FLNA: variants seen among roughly 807,000 people sequenced by gnomAD.
FLNA encodes filamin A, also known as filamin-A.
In FLNA, 7 loss-of-function variants were observed where a neutral mutation model predicts 157.6. The ratio of observed to expected loss-of-function variants is 0.04; its 90% CI spans 0.03 to 0.08. The LOEUF (loss-of-function observed/expected upper bound fraction) is 0.08, where lower values mean the gene tolerates loss of function less well. Ranked by LOEUF, FLNA falls within the 10% of genes least tolerant of loss-of-function variation. The pLI, the probability that FLNA is intolerant of heterozygous loss-of-function variation, is 1.00. For synonymous variants in FLNA, 1,103 were observed against 1,060.8 expected (o/e 1.04, Z -0.77); for missense variants, 1,750 against 2,398.4 (o/e 0.73, Z 5.65).
At position 154,359,618 on chromosome X, in the gene FLNA, G is replaced by T; in HGVS notation, c.4008C>A (p.Asp1336Glu). 1 of 1,211,020 alleles carries T rather than the reference G, an allele frequency of 8.3e-7. No homozygotes were observed. The highest frequency in any genetic ancestry group is 1.1e-6 in the Non-Finnish European group (1 of 895,416). The change falls in exon 24 of 48, where the codon GAC becomes GAA. Residue 1336 changes from aspartate (D) to glutamate (E), a missense_variant. Transcript: ENST00000369850. ...AGGGGCTGCTGGGCACGGGACTGCC[G>T]TCATAGGTCACGTCCACGGAGTGCA... is the stretch of plus-strand genomic sequence containing the variant. ...EGLHSVDVTY[D>E]GSPVPSSPFQ...
At chrX:154,368,157 G>A in intron 2 of FLNA, 67 bp from the exon 3 acceptor site, 1 of 1,205,536 alleles carries the variant, frequency 8.3e-7, no homozygotes. Flanking sequence ...CAGGCTTTGG[G>A]GTCAGGGTCT....
intron 10 of FLNA, 36 bp downstream of exon 10, chrX:154,365,313 C>T (rs1176663215): frequency 4.1e-6 from 5 of 1,211,908 alleles, no homozygotes; most frequent in East Asian, 5.9e-5. Flanking sequence ...CGGGGGCTGC[C>T]GCCACCCATC....
At position 154,358,466 on chromosome X, in the gene FLNA, C is replaced by T. The variant is rs782649462; in HGVS notation, c.4577G>A (p.Gly1526Glu). 3.1e-5 allele frequency: 38 copies of T among 1,209,626 alleles called. 1 individual carries two copies. The South Asian group carries it at 6.5e-4, about 21-fold the overall frequency. The change falls in exon 27 of 48, where the codon GGA (glycine) becomes GAA (glutamate). Residue 1526 changes from glycine to glutamate, a missense_variant. By Grantham distance (98) the Gly-to-Glu change is moderately conservative. Transcript: ENST00000369850. ...EGPYSISVLY[G>E]DEEVPRSPFK... is the part of the protein sequence containing the mutation. Reference sequence around the variant, plus strand: ...TTACCTCCGGGGTACCTCTTCATCTCCATACAGTACTGAGATGCTGTAGGG... The same window carrying T: ...TTACCTCCGGGGTACCTCTTCATCTTCATACAGTACTGAGATGCTGTAGGG...
rs59672916 is a variant in FLNA, at chrX:154,361,046, CAAAAAAAAAAAAAAAAAAA to C, written c.3207+243_3207+261del. On this transcript the variant is annotated intron_variant, in intron 21 of 47. Transcript: ENST00000369850. ...TGGGCGACAGAGTGAGACTCTTTCT[CAAAAAAAAAAAAAAAAAAA>C]AAAAAAAAAAAAAAGAAAGAAAAAA... Among the ~76,000 whole-genome samples the C allele has an allele frequency of 5.2e-3, 103 of 19,991 alleles. 1 individual carries two copies. Among genetic ancestry groups the C allele is most frequent in the Admixed American group, 0.012 (12 of 970 alleles). The allele number at this position is 19,991 out of a possible 115,157, so 17.4% of individuals were successfully genotyped here.
intron 33 of FLNA, 36 bp downstream of exon 33, chrX:154,354,345 C>T (rs1445923954): frequency 8.3e-7 from 1 of 1,211,229 alleles, no homozygotes; most frequent in Admixed American, 2.2e-5. Context: ...GTCTGGCCTC[C>T]TTGGCTCCCG....
chrX:154,352,506 G>A, intron 40 of FLNA, 47 bp downstream of exon 40: 1 of 1,211,369 alleles, frequency 8.3e-7, no homozygotes, highest in African/African-American at 1.7e-5. Context: ...TCCTCTTGGG[G>A]CTGCTTGAGC....
At position 154,366,221 on chromosome X, in the gene FLNA, G is replaced by T; in HGVS notation, c.1232C>A (p.Ala411Asp). ...CACAACCTCGACCTCGCCCGTGCCA[G>T]CTCCTGCCACGAGGCACCTGCTCAG... The part of the protein sequence containing the change: ...TTYFEIFTAG[A>D]GTGEVEVVIQ... Residue 411 changes from alanine to aspartate, a missense_variant, in exon 9 of 48, where the codon GCT becomes GAT. By Grantham distance (126) the Ala-to-Asp change is moderately radical. Around this residue, in one of 5 missense-constraint regions of FLNA, gnomAD observed 648 missense variants for 805.8 expected, o/e 0.80. Coordinates refer to ENST00000369850, the MANE Select transcript of FLNA (RefSeq NM_001110556.2). The T allele has an allele frequency of 8.3e-7, 1 of 1,210,964 alleles. No homozygotes were observed. The highest frequency in any genetic ancestry group is 1.1e-6 in the Non-Finnish European group (1 of 895,383).
rs782806690 is a variant in FLNA at position 154,366,879 on chromosome X, G to T, written c.869-29C>A. 6.2e-6 allele frequency: 7 copies of T among 1,127,340 alleles called. No individual in the cohort carries two copies. The South Asian group carries it at 1.1e-4, about 17-fold the overall frequency. The allele number at this position is 1,127,340 out of a possible 1,213,427, so 92.9% of individuals were successfully genotyped here. Reference sequence around the variant, plus strand: ...GCAGGGGAAGGCGAGCCAACCACGGGCCAGCTGTTAAGGCCACAGCCTCAC... The same window carrying T: ...GCAGGGGAAGGCGAGCCAACCACGGTCCAGCTGTTAAGGCCACAGCCTCAC... On this transcript the variant is annotated intron_variant, in intron 5 of 47. Transcript: ENST00000369850.
intron 15 of FLNA, 96 bp from the exon 16 acceptor site, chrX:154,362,880 C>G (rs2067724466): frequency 1.0e-6 from 1 of 1,000,113 alleles, no homozygotes; most frequent in Non-Finnish European, 1.4e-6. Flanking sequence ...AATGGTCCAG[C>G]TGCCTTGGGA....
chrX:154,354,976 C>T lies in FLNA; in HGVS notation c.5066G>A (p.Cys1689Tyr), dbSNP rs782125523. Reference protein sequence around the residue: ...AGKGKVTCTVCTPDGSEVDVD... With the variant: ...AGKGKVTCTVYTPDGSEVDVD... Reference sequence around the variant, plus strand: ...ATCCACCTCTGAGCCATCAGGCGTGCACACGGTGCACGTCACTTTGCCTTT... The same window carrying T: ...ATCCACCTCTGAGCCATCAGGCGTGTACACGGTGCACGTCACTTTGCCTTT... The change falls in exon 31 of 48, where the codon TGC becomes TAC. Residue 1689 changes from cysteine to tyrosine, a missense_variant. Physicochemically the swap from Cys to Tyr is radical, Grantham distance 194. Around this residue, in one of 5 missense-constraint regions of FLNA, gnomAD observed 970 missense variants for 1,302.6 expected, o/e 0.74. Coordinates refer to ENST00000369850, the MANE Select transcript of FLNA (RefSeq NM_001110556.2). 4 of 1,212,218 alleles carry T rather than the reference C, an allele frequency of 3.3e-6. No individual in the cohort carries two copies. The highest frequency in any genetic ancestry group is 4.5e-6 in the Non-Finnish European group (4 of 895,595).
chrX:154,353,848 G>A (rs2067641583), intron 35 of FLNA, 67 bp downstream of exon 35: 2 of 1,200,448 alleles, frequency 1.7e-6, no homozygotes, highest in African/African-American at 3.5e-5. Context: ...TATCTCCTGA[G>A]TCCAGCCCTT....
chrX:154,361,192 CAG>C (rs1352028307), intron 21 of FLNA, 114 bp downstream of exon 21: 7 of 684,399 alleles, frequency 1.0e-5, no homozygotes, highest in Non-Finnish European at 1.5e-5. Flanking sequence ...CAGTCTGTCT[CAG>C]GAAAAAAAAA....
Position 154,359,105 on chromosome X carries a change from G to C in FLNA, c.4353C>G (p.Val1451=), listed in dbSNP as rs1028999299. ...PVHDVTDASK[V]KCSGPGLSPG... ...GGCTCAGGCCGGGCCCAGAGCACTT[G>C]ACCTTGGACGCATCTGTCACATCAT... The change falls in exon 26 of 48, where the codon GTC becomes GTG. Residue 1451 remains valine (V), a synonymous_variant. Coordinates refer to ENST00000369850, the MANE Select transcript of FLNA (RefSeq NM_001110556.2). 1 of 1,211,305 alleles carries C rather than the reference G, an allele frequency of 8.3e-7. No individual in the cohort carries two copies. Among genetic ancestry groups the C allele is most frequent in the Non-Finnish European group, 1.1e-6 (1 of 895,488 alleles).
chrX:154,367,611 T>C (rs1569551858), intron 4 of FLNA, 30 bp downstream of exon 4: 1 of 1,209,398 alleles, frequency 8.3e-7, no homozygotes, highest in Admixed American at 2.2e-5. Context: ...TCCGGTCCCC[T>C]ACAGCTGTAG....
chrX:154,367,254 C>T, intron 5 of FLNA, 143 bp downstream of exon 5: 1 of 618,840 alleles, frequency 1.6e-6, no homozygotes, highest in Admixed American at 3.4e-5. Flanking sequence ...TCCCAAAAAC[C>T]CACTCTTGTC....
In FLNA at chrX:154,356,797, C is replaced by T. The variant is rs182226808; in HGVS notation, c.4969+454G>A. ...GCCCCACCCGCTCATGCACCTCCCC[C>T]GGCCCGGGACGCAGAGGCCCCTGGA... On this transcript the variant is annotated intron_variant, in intron 30 of 47. Coordinates refer to ENST00000369850, the MANE Select transcript of FLNA (RefSeq NM_001110556.2). Among the ~76,000 whole-genome samples, 128 of 112,820 alleles carry T rather than the reference C, an allele frequency of 1.1e-3. No homozygotes were observed. The East Asian group carries it at 0.015, about 13-fold the overall frequency.
chrX:154,363,335 T>A (rs1238576883), intron 15 of FLNA, among the ~76,000 whole-genome samples: 1 of 110,052 alleles, frequency 9.1e-6, no homozygotes, highest in African/African-American at 3.3e-5. Context: ...AGAGAATTGC[T>A]TGAATCTGGC....
At chrX:154,351,246 C>A (rs2067616615) in intron 43 of FLNA, 1 of 473,024 alleles carries the variant, frequency 2.1e-6, no homozygotes, top group Non-Finnish European at 3.7e-6. Context: ...TGCCGTCGCA[C>A]ACACCCAGGT....
In FLNA at chrX:154,358,997, C is replaced by T. The variant is rs1557177373; in HGVS notation, c.4461G>A (p.Val1487=). 1 of 1,211,334 alleles carries T rather than the reference C, an allele frequency of 8.3e-7. No homozygotes were observed. Among genetic ancestry groups the T allele is most frequent in the Admixed American group, 2.2e-5 (1 of 46,153 alleles). ...KAGVAPLQVK[V]QGPKGLVEPV... The stretch of plus-strand genomic sequence containing the variant: ...GCAAACACTCACCTTTGGGCCCTTG[C>T]ACTTTGACCTGCAATGGGGCCACAC... The change falls in exon 26 of 48, where the codon GTG becomes GTA. Residue 1487 remains valine (V), a synonymous_variant. Coordinates refer to ENST00000369850, the MANE Select transcript of FLNA (RefSeq NM_001110556.2).
Sources: allele counts gnomAD v4.1 joint callset (sites outside exome capture counted in the v4.1 genomes callset), GRCh38; gene constraint gnomAD v4.1.1; regional missense constraint gnomAD v4.1.1; transcripts MANE v1.5; gene names NCBI Gene and HGNC (gene_info 2026-07-23, HGNC 2026-07-21).